PCCA: variants seen among roughly 807,000 people sequenced by gnomAD.
The protein encoded by PCCA is propionyl-CoA carboxylase subunit alpha.
PCCA carries 74 observed loss-of-function variants against 101.3 expected under a neutral mutation model. That is an observed-to-expected ratio of 0.73 (90% CI 0.61 to 0.89). PCCA has a LOEUF of 0.89. Ranked by LOEUF, PCCA falls within the 40% of genes least tolerant of loss-of-function variation. PCCA has a pLI of 0.00. For missense variants in PCCA, 891 were observed against 907.0 expected (o/e 0.98, Z 0.23); for synonymous variants, 294 against 313.6 (o/e 0.94, Z 0.66).
rs545696360 is a variant in PCCA, at chr13:100,394,896, C to T, written c.1746+26322C>T. ...TCCAGTTTGTGTGTCCAGGGTCTGA[C>T]GTGCTCCATCATCAAGGCAGCTTTT... On this transcript the variant is annotated intron_variant, in intron 19 of 23. Coordinates refer to ENST00000376285, the MANE Select transcript of PCCA (RefSeq NM_000282.4). The surrounding 1 kb of genome is among the most constrained non-coding windows in gnomAD (Gnocchi z 4.3). Among the ~76,000 whole-genome samples, 11 of 152,150 alleles carry T rather than the reference C, an allele frequency of 7.2e-5. No individual in the cohort carries two copies. Among genetic ancestry groups the T allele is most frequent in the Non-Finnish European group, 1.0e-4 (7 of 68,026 alleles).
intron 20 of PCCA, among the ~76,000 whole-genome samples, chr13:100,435,128 G>A (rs548153253): frequency 2.3e-4 from 35 of 152,238 alleles, no homozygotes; most frequent in Middle Eastern, 3.4e-3. Flanking sequence ...TCAAGAAAAC[G>A]GGTTTAAATG....
chr13:100,485,360 G>A (rs2084290947), intron 21 of PCCA, among the ~76,000 whole-genome samples: 1 of 152,218 alleles, frequency 6.6e-6, no homozygotes, highest in African/African-American at 2.4e-5. Context: ...GGGGCAAGGT[G>A]CTCTGCAAGT....
At chr13:100,094,674 G>T (rs2046605998) in intron 1 of PCCA, among the ~76,000 whole-genome samples, 1 of 152,116 alleles carries the variant, frequency 6.6e-6, no homozygotes, top group African/African-American at 2.4e-5. Context: ...GGCAACCTCC[G>T]CCTCCGGGGT....
At chr13:100,261,393 A>T (rs2062498871) in intron 9 of PCCA, among the ~76,000 whole-genome samples, 1 of 148,840 alleles carries the variant, frequency 6.7e-6, no homozygotes, top group Admixed American at 6.7e-5. Flanking sequence ...TTTGAGATGG[A>T]GTCTCACTGT....
chr13:100,174,955 TTTAC>T (rs1219038395), intron 6 of PCCA, among the ~76,000 whole-genome samples: 1 of 152,136 alleles, frequency 6.6e-6, no homozygotes, highest in African/African-American at 2.4e-5. Flanking sequence ...ATAAAAATAA[TTTAC>T]TTAAAAAGTT....
At chr13:100,495,893 T>G (rs1350515233) in intron 21 of PCCA, among the ~76,000 whole-genome samples, 1 of 152,238 alleles carries the variant, frequency 6.6e-6, no homozygotes, top group Non-Finnish European at 1.5e-5. Flanking sequence ...ATACAAAGAA[T>G]GTCCAGATAA....
intron 22 of PCCA, chr13:100,527,212 A>G: frequency 2.2e-6 from 1 of 456,830 alleles, no homozygotes; most frequent in South Asian, 1.6e-5. Context: ...AGTTGTCACC[A>G]CAATCAATTT....
chr13:100,118,238 A>C (rs774479055), intron 4 of PCCA, among the ~76,000 whole-genome samples: 5 of 152,200 alleles, frequency 3.3e-5, no homozygotes, highest in Non-Finnish European at 7.3e-5. Flanking sequence ...ACCTTATGAA[A>C]CCTAAGAAAA....
At chr13:100,105,537 G>A (rs2047672957) in intron 2 of PCCA, among the ~76,000 whole-genome samples, 1 of 151,650 alleles carries the variant, frequency 6.6e-6, no homozygotes, top group African/African-American at 2.4e-5. Context: ...ACTGTTAGAA[G>A]TGGGCTATCA....
intron 8 of PCCA, among the ~76,000 whole-genome samples, chr13:100,251,002 A>G (rs984527233): frequency 6.6e-6 from 1 of 152,166 alleles, no homozygotes; most frequent in African/African-American, 2.4e-5. Flanking sequence ...GAGAGATATA[A>G]TAGTATATAT....
At chr13:100,489,770 G>GA (rs11429370) in intron 21 of PCCA, among the ~76,000 whole-genome samples, 52,246 of 152,048 alleles carry the variant, frequency 0.34, 9,772 homozygotes, top group East Asian at 0.67. Context: ...ATGTCTCAGA[G>GA]AGAGGAAGAA....
chr13:100,132,192 A>G (rs1189958368), intron 4 of PCCA, among the ~76,000 whole-genome samples: 1 of 133,232 alleles, frequency 7.5e-6, no homozygotes, highest in Admixed American at 7.4e-5. Flanking sequence ...TAGGATACCC[A>G]TCTTTCATAC....
intron 18 of PCCA, among the ~76,000 whole-genome samples, chr13:100,342,002 T>C (rs1011845455): frequency 6.8e-6 from 1 of 148,068 alleles, no homozygotes; most frequent in Non-Finnish European, 1.5e-5. Flanking sequence ...TGTGTGTATA[T>C]ATATGTATTT....
In PCCA at chr13:100,404,984, A is replaced by G. The variant is rs534084807; in HGVS notation, c.1747-20649A>G. On this transcript the variant is annotated intron_variant, in intron 19 of 23. Coordinates refer to ENST00000376285, the MANE Select transcript of PCCA (RefSeq NM_000282.4). The stretch of plus-strand genomic sequence containing the variant: ...CTAGGGCTTTGACCCGAAGCTTGGA[A>G]TTGAGTCGGGAACACAAATGTGTCT... Among the ~76,000 whole-genome samples, 11 of 152,238 alleles carry G rather than the reference A, an allele frequency of 7.2e-5. No individual in the cohort carries two copies. The East Asian group carries it at 1.7e-3, about 24-fold the overall frequency.
intron 18 of PCCA, among the ~76,000 whole-genome samples, chr13:100,340,563 A>G (rs996110284): frequency 1.3e-5 from 2 of 152,288 alleles, no homozygotes; most frequent in East Asian, 1.9e-4. Flanking sequence ...TGTTTTATTT[A>G]CTTATCTTGA....
intron 19 of PCCA, among the ~76,000 whole-genome samples, chr13:100,422,135 C>CTTT (rs1232975466): frequency 4.4e-5 from 3 of 68,782 alleles, no homozygotes; most frequent in African/African-American, 1.3e-4. Context: ...TTCTTTCTTT[C>CTTT]TTTTTTTTTT....
At chr13:100,232,384 GTGTGTGT>G (rs2060544820) in intron 7 of PCCA, among the ~76,000 whole-genome samples, 1 of 151,178 alleles carries the variant, frequency 6.6e-6, no homozygotes, top group South Asian at 2.1e-4. Context: ...GTGTGTGTGT[GTGTGTGT>G]GGTTTTAGAG....
intron 17 of PCCA, among the ~76,000 whole-genome samples, chr13:100,337,675 C>A (rs1476580013): frequency 2.0e-5 from 3 of 152,114 alleles, no homozygotes; most frequent in Non-Finnish European, 4.4e-5. Context: ...ATTTGGGAGA[C>A]CTCTCTCAAT....
chr13:100,458,892 T>C (rs973476588), intron 21 of PCCA, among the ~76,000 whole-genome samples: 8 of 152,172 alleles, frequency 5.3e-5, no homozygotes, highest in Non-Finnish European at 1.5e-5. Context: ...TTCCTAGGGC[T>C]GATGCAACAG....
Sources: gnomAD v4.1 joint callset for allele counts (sites outside exome capture counted in the v4.1 genomes callset) on GRCh38, gnomAD v4.1.1 for gene constraint, Gnocchi (gnomAD v3.1) non-coding constraint, MANE v1.5 for transcripts, NCBI Gene and HGNC (gene_info 2026-07-23, HGNC 2026-07-21) for gene names.